NWD1: variants seen among roughly 807,000 people sequenced by gnomAD.
NWD1 encodes NACHT domain- and WD repeat-containing protein 1.
NWD1 carries 129 observed loss-of-function variants against 135.1 expected under a neutral mutation model. The ratio of observed to expected loss-of-function variants is 0.96; its 90% CI spans 0.83 to 1.11. The LOEUF (loss-of-function observed/expected upper bound fraction) is 1.11. Among genes scored for constraint, NWD1 ranks in the 50% least tolerant of loss-of-function variants. NWD1 has a pLI of 0.00. For missense variants in NWD1, 1,740 were observed against 1,851.3 expected (o/e 0.94, Z 1.10); for synonymous variants, 773 against 786.0 (o/e 0.98, Z 0.28).
chr19:16,772,270 C>G (rs1054462328), intron 10 of NWD1, among the ~76,000 whole-genome samples: 1 of 152,150 alleles, frequency 6.6e-6, no homozygotes, highest in Non-Finnish European at 1.5e-5. Context: ...GAGGCTGTGG[C>G]CGGAAGATCG....
chr19:16,788,939 T>C (rs963773084), intron 12 of NWD1, 43 bp from the exon 13 acceptor site: 5 of 1,458,590 alleles, frequency 3.4e-6, no homozygotes, highest in Non-Finnish European at 4.8e-6. Flanking sequence ...AAGGCCAAAA[T>C]GTTCCCAGCT....
Position 16,808,053 on chromosome 19 carries a change from C to G in NWD1, c.4204C>G (p.Leu1402Val). The part of the protein sequence containing the change: ...ACVEVSHKEQ[L>V]VVSGSEDALL... ...TGTGGAGGTCAGCCACAAGGAGCAG[C>G]TGGTGGTCAGCGGGTCTGAGGATGC... The change falls in exon 18 of 19, where the codon CTG becomes GTG. Residue 1402 changes from leucine to valine, a missense_variant. By Grantham distance (32) the Leu-to-Val change is conservative. Transcript: ENST00000524140. The G allele has an allele frequency of 6.2e-7, 1 of 1,614,162 alleles. No homozygotes were observed. The highest frequency in any genetic ancestry group is 8.5e-7 in the Non-Finnish European group (1 of 1,180,030).
intron 10 of NWD1, among the ~76,000 whole-genome samples, chr19:16,771,795 C>A (rs1474838458): frequency 2.0e-5 from 3 of 148,952 alleles, no homozygotes; most frequent in African/African-American, 7.4e-5. Context: ...GACCATTCAA[C>A]ATAACATCCT....
Position 16,737,964 on chromosome 19 carries a change from C to CAAAAGAAAAGAAAAGAAAAGAAAAGAAAA in NWD1, c.198+1214_198+1215insAAAAGAAAAGAAAAGAAAAGAAAAGAAAA, listed in dbSNP as rs147713373. 1.0e-4 allele frequency among the ~76,000 whole-genome samples: 13 copies of CAAAAGAAAAGAAAAGAAAAGAAAAGAAAA among 124,598 alleles called. 2 individuals are homozygous for CAAAAGAAAAGAAAAGAAAAGAAAAGAAAA. The highest frequency in any genetic ancestry group is 1.5e-4 in the Non-Finnish European group (9 of 59,700). 81.7% of individuals were successfully genotyped at this position (124,598 alleles called of 152,430 possible). On this transcript the variant is annotated intron_variant, in intron 4 of 18. Transcript: ENST00000524140. ...TGGGCGACAGAGCAAGACTCTATCT[C>CAAAAGAAAAGAAAAGAAAAGAAAAGAAAA]GAAAAGAAAAGAAAAGAAAAGAAAA...
At chr19:16,752,805 T>G (rs1262048898) in intron 6 of NWD1, among the ~76,000 whole-genome samples, 1 of 152,162 alleles carries the variant, frequency 6.6e-6, no homozygotes, top group African/African-American at 2.4e-5. Flanking sequence ...AAGACCAGCC[T>G]GGGCAACAAA....
At chr19:16,740,903 A>C (rs1223019710) in intron 4 of NWD1, among the ~76,000 whole-genome samples, 1 of 152,082 alleles carries the variant, frequency 6.6e-6, no homozygotes, top group African/African-American at 2.4e-5. Flanking sequence ...TTACGCCTGT[A>C]ATCCAAGCAC....
chr19:16,732,787 G>A (rs185540547), intron 3 of NWD1, among the ~76,000 whole-genome samples: 82 of 152,026 alleles, frequency 5.4e-4, no homozygotes, highest in South Asian at 3.1e-3. Context: ...GACATGCAGC[G>A]CTATCCCTGG....
chr19:16,793,682 T>G (rs577328938), intron 14 of NWD1, among the ~76,000 whole-genome samples: 2 of 151,930 alleles, frequency 1.3e-5, no homozygotes, highest in South Asian at 4.2e-4. Context: ...CTTCAAGCGA[T>G]TCTCCTGCCT....
intron 12 of NWD1, among the ~76,000 whole-genome samples, chr19:16,788,278 A>C (rs1186175367): frequency 2.2e-5 from 3 of 138,316 alleles, no homozygotes; most frequent in Non-Finnish European, 1.5e-5. Context: ...TAATAATAAT[A>C]ATAATAAAAG....
Position 16,799,936 on chromosome 19 carries a change from CG to C in NWD1, c.3514del (p.Ala1172ProfsTer3), listed in dbSNP as rs1568390743. Reference sequence around the variant, plus strand: ...CCCTTCTGGACATCCTGGAAGGCGTCGGGGCCCCCGTGAGCCTGCTGGCCCG... The same window carrying C: ...CCCTTCTGGACATCCTGGAAGGCGTCGGGCCCCCGTGAGCCTGCTGGCCCG... Reference protein sequence around the residue: ...GTLLDILEGVGAPVSLLARGG... With the variant: ...GTLLDILEGVXAPVSLLARGG... On this transcript the variant is annotated frameshift_variant, in exon 17 of 19. Coordinates refer to ENST00000524140, the MANE Select transcript of NWD1 (RefSeq NM_001007525.5). LOFTEE classifies it high-confidence loss of function. 3.1e-6 allele frequency: 5 copies of C among 1,613,870 alleles called. No individual in the cohort carries two copies. The highest frequency in any genetic ancestry group is 4.2e-6 in the Non-Finnish European group (5 of 1,179,886).
intron 1 of NWD1, among the ~76,000 whole-genome samples, chr19:16,723,771 C>T (rs913444122): frequency 2.0e-5 from 3 of 152,098 alleles, no homozygotes; most frequent in Non-Finnish European, 4.4e-5. Context: ...TCTCAGCTCA[C>T]TGCAACCTCT....
rs1403180827 is a variant in NWD1 at position 16,763,962 on chromosome 19, A to G, written c.2251+17A>G. ...AGGTTCTGGGTAAGGGCTGCCCCCC[A>G]TCTCAGAGGACCGAGCCTGGTGACT... On this transcript the variant is annotated intron_variant, in intron 9 of 18. Transcript: ENST00000524140. The G allele has an allele frequency of 3.4e-6, 5 of 1,482,156 alleles. No homozygotes were observed. In the African/African-American group the frequency reaches 4.1e-5, roughly 12 times the overall value. The allele number at this position is 1,482,156 out of a possible 1,614,324, so 91.8% of individuals were successfully genotyped here. A position where few individuals can be genotyped will look rare whatever the true frequency, so the allele number is the denominator to read the frequency against.
intron 6 of NWD1, among the ~76,000 whole-genome samples, chr19:16,751,851 A>C (rs902172413): frequency 3.3e-5 from 5 of 150,018 alleles, no homozygotes; most frequent in Non-Finnish European, 5.9e-5. Context: ...GATAGTAAGA[A>C]AGAAAAAAAA....
At position 16,749,112 on chromosome 19, in the gene NWD1, TCCTTCCCA is replaced by T. The variant is rs763228474; in HGVS notation, c.497-19_497-12del. On this transcript the variant is annotated intron_variant, in intron 5 of 18. Coordinates refer to ENST00000524140, the MANE Select transcript of NWD1 (RefSeq NM_001007525.5). ...CTGCTGACCCAATAATGACCACACT[TCCTTCCCA>T]CCTTCCCCACTTTGGCAGTCATTGA... The T allele has an allele frequency of 2.4e-5, 37 of 1,558,542 alleles. No individual in the cohort carries two copies. In the East Asian group the frequency reaches 5.2e-4, roughly 22 times the overall value.
chr19:16,808,051 A>T lies in NWD1; in HGVS notation c.4202A>T (p.Gln1401Leu). The T allele has an allele frequency of 6.2e-7, 1 of 1,614,160 alleles. No homozygotes were observed. Among genetic ancestry groups the T allele is most frequent in the African/African-American group, 1.3e-5 (1 of 75,042 alleles). The change falls in exon 18 of 19, where the codon CAG (glutamine) becomes CTG (leucine). Residue 1401 changes from glutamine to leucine, a missense_variant. Coordinates refer to ENST00000524140, the MANE Select transcript of NWD1 (RefSeq NM_001007525.5). ...TGTGTGGAGGTCAGCCACAAGGAGC[A>T]GCTGGTGGTCAGCGGGTCTGAGGAT... is the stretch of plus-strand genomic sequence containing the variant. Reference protein sequence around the residue: ...VACVEVSHKEQLVVSGSEDAL... With the variant: ...VACVEVSHKELLVVSGSEDAL...
intron 14 of NWD1, among the ~76,000 whole-genome samples, chr19:16,794,051 G>T (rs1970339026): frequency 1.3e-5 from 2 of 152,238 alleles, no homozygotes; most frequent in South Asian, 4.1e-4. Flanking sequence ...GTACCACCAT[G>T]CCCAGCTAAA....
At position 16,750,379 on chromosome 19, in the gene NWD1, G is replaced by A. The variant is rs775402357; in HGVS notation, c.1737G>A (p.Val579=). 16 of 1,600,394 alleles carry A rather than the reference G, an allele frequency of 1.0e-5. No homozygotes were observed. The highest frequency in any genetic ancestry group is 1.8e-5 in the Admixed American group (1 of 56,786). ...AGCAGACACACGGGCAGCTCCTCGT[G>A]GCCCACGTGCTGGGCTACATTGTGT... ...RLEQTHGQLL[V]AHVLGYIVSS... is the part of the protein sequence containing the mutation. Residue 579 remains valine, a synonymous_variant, in exon 6 of 19, where the codon GTG becomes GTA. Transcript: ENST00000524140.
rs1403216320 is a variant in NWD1 at position 16,744,686 on chromosome 19, C to T, written c.464C>T (p.Thr155Ile). 4 of 1,535,978 alleles carry T rather than the reference C, an allele frequency of 2.6e-6. No homozygotes were observed. The highest frequency in any genetic ancestry group is 2.0e-5 in the Admixed American group (1 of 50,968). ...GAGGCCCGGAGGCTGGGGCTCATCA[C>T]CCAGGAGCAGTGGCAGCACTACCAC... ...AQEARRLGLI[T>I]QEQWQHYHRS... Residue 155 changes from threonine (T) to isoleucine (I), a missense_variant, in exon 5 of 19, where the codon ACC becomes ATC. By Grantham distance (89) the Thr-to-Ile change is moderately conservative (BLOSUM62 -1). Coordinates refer to ENST00000524140, the MANE Select transcript of NWD1 (RefSeq NM_001007525.5).
chr19:16,763,747 A>G (rs1193139929), intron 8 of NWD1, 81 bp from the exon 9 acceptor site: 5 of 868,950 alleles, frequency 5.8e-6, no homozygotes, highest in African/African-American at 3.3e-5. Flanking sequence ...TGTCTGGAGC[A>G]TGAGGTGAAT....
Sources: allele counts gnomAD v4.1 joint callset (sites outside exome capture counted in the v4.1 genomes callset), GRCh38; gene constraint gnomAD v4.1.1; transcripts MANE v1.5; gene names NCBI Gene and HGNC (gene_info 2026-07-23, HGNC 2026-07-21).